The following ZDHHC17 variants were observed in gnomAD, a reference collection of about 807,000 sequenced individuals.
The protein encoded by ZDHHC17 is palmitoyltransferase ZDHHC17.
A neutral mutation model predicts 90.3 loss-of-function variants in ZDHHC17; 40 were observed. The ratio of observed to expected loss-of-function variants is 0.44; its 90% CI spans 0.34 to 0.58. The LOEUF is 0.58. ZDHHC17 is among the 20% of genes least tolerant of loss of function. The pLI, the probability that ZDHHC17 is intolerant of heterozygous loss-of-function variation, is 0.01. For synonymous variants in ZDHHC17, 235 were observed against 252.4 expected, an observed-to-expected ratio of 0.93 and a Z score of 0.65; for missense variants, 614 against 780.8, an observed-to-expected ratio of 0.79 and a Z score of 2.55.
intron 7 of ZDHHC17, among the ~76,000 whole-genome samples, chr12:76,816,907 T>A (rs1388010270): frequency 1.3e-5 from 2 of 152,050 alleles, no homozygotes; most frequent in African/African-American, 4.8e-5. Flanking sequence ...TAAAATCATG[T>A]ATATTTTTCT....
intron 1 of ZDHHC17, among the ~76,000 whole-genome samples, chr12:76,772,843 C>A (rs1374831853): frequency 6.6e-6 from 1 of 151,822 alleles, no homozygotes; most frequent in East Asian, 1.9e-4. Flanking sequence ...CCGCGCCCGG[C>A]CTTAACGCTT....
intron 10 of ZDHHC17, chr12:76,839,979 A>T (rs1055130267): frequency 2.6e-5 from 4 of 152,204 alleles, no homozygotes; most frequent in Admixed American, 6.5e-5. Flanking sequence ...AGGTCATATG[A>T]GTCTGAGTTT....
intron 12 of ZDHHC17, chr12:76,844,076 T>C (rs943529704): frequency 4.6e-5 from 7 of 152,196 alleles, no homozygotes; most frequent in African/African-American, 1.7e-4. Context: ...TTTAGAATGT[T>C]TTAATACACT....
intron 10 of ZDHHC17, among the ~76,000 whole-genome samples, chr12:76,836,398 T>C (rs1017895522): frequency 4.6e-5 from 7 of 152,020 alleles, no homozygotes; most frequent in Non-Finnish European, 1.0e-4. Flanking sequence ...TGTGCTACAT[T>C]CTCTCTTGTT....
intron 10 of ZDHHC17, among the ~76,000 whole-genome samples, chr12:76,830,168 A>G (rs1167410628): frequency 6.6e-6 from 1 of 152,210 alleles, no homozygotes; most frequent in African/African-American, 2.4e-5. Context: ...TTTTCAAAAC[A>G]TTACAAAAAG....
rs780950140 is a variant in ZDHHC17, at chr12:76,764,338, C to T, written c.93+9C>T. ...CCCTTCTCCACCCAGAGGTGAGGAA[C>T]CGTGCTGAGTGGATTCCTTGCCCTG... On this transcript the variant is annotated intron_variant, in intron 1 of 16. Transcript: ENST00000426126. 4.3e-5 allele frequency: 69 copies of T among 1,587,764 alleles called. 1 individual carries two copies. The highest frequency in any genetic ancestry group is 5.7e-5 in the Non-Finnish European group (66 of 1,165,934).
intron 14 of ZDHHC17, among the ~76,000 whole-genome samples, chr12:76,847,525 C>T (rs1348321950): frequency 6.6e-6 from 1 of 152,186 alleles, no homozygotes; most frequent in Non-Finnish European, 1.5e-5. Flanking sequence ...TATTTTATAG[C>T]AACTCTCCTA....
At chr12:76,833,723 G>T (rs1953331248) in intron 10 of ZDHHC17, among the ~76,000 whole-genome samples, 1 of 152,210 alleles carries the variant, frequency 6.6e-6, no homozygotes, top group South Asian at 2.1e-4. Flanking sequence ...ACCTGGGGAT[G>T]CGGAGCTTGC....
At chr12:76,800,467 ATC>A (rs1387829369) in intron 2 of ZDHHC17, among the ~76,000 whole-genome samples, 1 of 152,178 alleles carries the variant, frequency 6.6e-6, no homozygotes, top group Non-Finnish European at 1.5e-5. Flanking sequence ...CTGTAGAACT[ATC>A]TGTTTCTCTC....
At chr12:76,779,303 A>G (rs1404819237) in intron 1 of ZDHHC17, among the ~76,000 whole-genome samples, 1 of 152,150 alleles carries the variant, frequency 6.6e-6, no homozygotes, top group Non-Finnish European at 1.5e-5. Context: ...CACGCTGCTA[A>G]TAAAAACATA....
At chr12:76,820,576 T>G (rs1953152581) in intron 7 of ZDHHC17, among the ~76,000 whole-genome samples, 1 of 152,320 alleles carries the variant, frequency 6.6e-6, no homozygotes, top group African/African-American at 2.4e-5. Context: ...ATAAAATTAC[T>G]GAGCTCTGTT....
chr12:76,821,181 T>C, intron 7 of ZDHHC17: 1 of 1,242,030 alleles, frequency 8.1e-7, no homozygotes, highest in African/African-American at 1.6e-5. Flanking sequence ...ATCTTTATAG[T>C]TTGGATTAAT....
At position 76,841,979 on chromosome 12, in the gene ZDHHC17, C is replaced by G; in HGVS notation, c.1142-3C>G. 1 of 1,549,190 alleles carries G rather than the reference C, an allele frequency of 6.5e-7. No homozygotes were observed. The highest frequency in any genetic ancestry group is 1.2e-5 in the South Asian group (1 of 80,056). On this transcript the variant is annotated splice_region_variant and splice_polypyrimidine_tract_variant and intron_variant, in intron 10 of 16. Coordinates refer to ENST00000426126, the MANE Select transcript of ZDHHC17 (RefSeq NM_015336.4). ...CTTCTTTAGATTCCTTAACCTTAGG[C>G]ACATCTCAACTTTTTATTTATCCAT...
intron 2 of ZDHHC17, among the ~76,000 whole-genome samples, chr12:76,799,016 G>T (rs1013602604): frequency 1.3e-4 from 20 of 152,092 alleles, no homozygotes; most frequent in African/African-American, 4.8e-4. Flanking sequence ...ACACTCCTGT[G>T]GTCCCAGCTA....
intron 14 of ZDHHC17, 57 bp from the exon 15 acceptor site, chr12:76,848,176 A>C: frequency 6.3e-7 from 1 of 1,587,548 alleles, no homozygotes; most frequent in Non-Finnish European, 8.6e-7. Flanking sequence ...ACAAATGCCT[A>C]TATGAGGTGC....
intron 2 of ZDHHC17, among the ~76,000 whole-genome samples, chr12:76,802,150 A>G (rs79105391): frequency 3.6e-4 from 55 of 152,270 alleles, no homozygotes; most frequent in Admixed American, 3.9e-4. Context: ...GTGGTAACAG[A>G]TTCTCTCAGT....
chr12:76,792,820 CT>C (rs1223847962), intron 1 of ZDHHC17, among the ~76,000 whole-genome samples: 1 of 152,086 alleles, frequency 6.6e-6, no homozygotes, highest in Non-Finnish European at 1.5e-5. Flanking sequence ...GCAGCTAAAC[CT>C]TTAATTGAAG....
chr12:76,823,051 G>T (rs1034739488), intron 8 of ZDHHC17, among the ~76,000 whole-genome samples: 6 of 151,448 alleles, frequency 4.0e-5, no homozygotes, highest in African/African-American at 1.5e-4. Context: ...ACCTTTTGGG[G>T]CTAATAATTA....
intron 1 of ZDHHC17, among the ~76,000 whole-genome samples, chr12:76,775,675 A>G (rs1398412427): frequency 1.3e-5 from 2 of 152,186 alleles, no homozygotes; most frequent in African/African-American, 2.4e-5. Context: ...AATCAATAGC[A>G]TCTTTTGATT....
Sources: allele counts gnomAD v4.1 joint callset (sites outside exome capture counted in the v4.1 genomes callset), GRCh38; gene constraint gnomAD v4.1.1; transcripts MANE v1.5; gene names NCBI Gene and HGNC (gene_info 2026-07-23, HGNC 2026-07-21).